The following GEMIN5 variants were observed in gnomAD, a reference collection of about 807,000 sequenced individuals.
GEMIN5 encodes the protein gem nuclear organelle associated protein 5.
Under a neutral mutation model 176.9 loss-of-function variants are expected in GEMIN5, and 124 were observed. The observed-to-expected ratio is 0.70, with a 90% CI of 0.61 to 0.81. The LOEUF (loss-of-function observed/expected upper bound fraction) is 0.81. Ranked by LOEUF, GEMIN5 falls within the 40% of genes least tolerant of loss-of-function variation. GEMIN5 has a pLI of 0.00. For missense variants in GEMIN5, 1,843 were observed against 1,814.6 expected (o/e 1.02, Z -0.28); for synonymous variants, 673 against 665.2 (o/e 1.01, Z -0.18).
intron 27 of GEMIN5, 63 bp from the exon 28 acceptor site, chr5:154,888,440 A>G (rs1582644895): frequency 7.1e-7 from 1 of 1,399,720 alleles, no homozygotes; most frequent in East Asian, 2.3e-5. Flanking sequence ...AAACACCTGC[A>G]CAGAAGGCAC....
At position 154,938,108 on chromosome 5, in the gene GEMIN5, G is replaced by A. The variant is rs1324369950; in HGVS notation, c.26C>T (p.Pro9Leu). 11 of 1,414,292 alleles carry A rather than the reference G, an allele frequency of 7.8e-6. No individual in the cohort carries two copies. The highest frequency in any genetic ancestry group is 1.0e-5 in the Non-Finnish European group (11 of 1,081,278). 87.6% of individuals were successfully genotyped at this position (1,414,292 alleles called of 1,614,324 possible). The change falls in exon 1 of 28, where the codon CCG (proline) becomes CTG (leucine). Residue 9 changes from proline (P) to leucine (L), a missense_variant. Coordinates refer to ENST00000285873, the MANE Select transcript of GEMIN5 (RefSeq NM_015465.5). The part of the protein sequence containing the change: MGQEPRTL[P>L]PSPNWYCARC... ...GGCGCAGTACCAGTTGGGGGAGGGC[G>A]GCAGCGTCCGCGGCTCCTGCCCCAT...
intron 3 of GEMIN5, among the ~76,000 whole-genome samples, chr5:154,934,523 G>A (rs1179085682): frequency 1.3e-5 from 2 of 152,100 alleles, no homozygotes; most frequent in Non-Finnish European, 2.9e-5. Flanking sequence ...TGTTGGCCGG[G>A]CTGGTCTTGA....
chr5:154,895,968 C>A, intron 24 of GEMIN5, 124 bp downstream of exon 24: 2 of 1,096,976 alleles, frequency 1.8e-6, no homozygotes, highest in Non-Finnish European at 2.7e-6. Context: ...GGTGGCGTGG[C>A]CATGCCTTAG....
intron 16 of GEMIN5, 131 bp downstream of exon 16, chr5:154,907,459 CA>C: frequency 2.4e-5 from 8 of 331,490 alleles, no homozygotes; most frequent in South Asian, 9.6e-5. Context: ...TAAAGCTTAA[CA>C]AAAAAAACTA....
At position 154,891,737 on chromosome 5, in the gene GEMIN5, C is replaced by A; in HGVS notation, c.3766G>T (p.Asp1256Tyr). 1 of 1,581,836 alleles carries A rather than the reference C, an allele frequency of 6.3e-7. No homozygotes were observed. The highest frequency in any genetic ancestry group is 8.5e-7 in the Non-Finnish European group (1 of 1,170,294). Residue 1256 changes from aspartate (D) to tyrosine (Y), a missense_variant, in exon 26 of 28, where the codon GAC becomes TAC. Physicochemically the swap from Asp to Tyr is radical, Grantham distance 160. Coordinates refer to ENST00000285873, the MANE Select transcript of GEMIN5 (RefSeq NM_015465.5). The stretch of plus-strand genomic sequence containing the variant: ...TCCCCCAACTTGTCTCTTAGGTGGT[C>A]ACAGCCTAGGAAAAGAGGAAAAAGA... ...VYSAFLPDGC[D>Y]HLRDKLGDHQ...
chr5:154,926,427 T>C (rs987658006), intron 7 of GEMIN5, among the ~76,000 whole-genome samples: 1 of 152,090 alleles, frequency 6.6e-6, no homozygotes, highest in Non-Finnish European at 1.5e-5. Flanking sequence ...CTCAGCACAG[T>C]GGAAAAATCA....
At chr5:154,905,698 T>G (rs972120397) in intron 16 of GEMIN5, among the ~76,000 whole-genome samples, 3 of 149,386 alleles carry the variant, frequency 2.0e-5, no homozygotes, top group Non-Finnish European at 3.0e-5. Flanking sequence ...TCTATTACTT[T>G]GGTTTTTTTT....
chr5:154,932,736 T>TA (rs1229134143), intron 3 of GEMIN5, among the ~76,000 whole-genome samples: 1 of 152,154 alleles, frequency 6.6e-6, no homozygotes, highest in Non-Finnish European at 1.5e-5. Flanking sequence ...CTAATTTTTG[T>TA]ATTTTTTTGT....
At chr5:154,909,978 C>G (rs1299717518) in intron 15 of GEMIN5, among the ~76,000 whole-genome samples, 2 of 105,334 alleles carry the variant, frequency 1.9e-5, no homozygotes, top group East Asian at 2.0e-4. Flanking sequence ...GACTCCGTTT[C>G]AAGAAAAAAA....
At chr5:154,934,563 C>G (rs936677675) in intron 3 of GEMIN5, among the ~76,000 whole-genome samples, 1 of 152,088 alleles carries the variant, frequency 6.6e-6, no homozygotes, top group Non-Finnish European at 1.5e-5. Flanking sequence ...CCACCCGCCT[C>G]GGCCTCCCAA....
At chr5:154,923,482 C>T (rs767674732) in intron 9 of GEMIN5, among the ~76,000 whole-genome samples, 9 of 152,182 alleles carry the variant, frequency 5.9e-5, no homozygotes, top group African/African-American at 2.2e-4. Context: ...ATATTTCAGG[C>T]TTTGTGAGCC....
intron 22 of GEMIN5, among the ~76,000 whole-genome samples, 157 bp from the exon 23 acceptor site, chr5:154,898,807 C>A (rs1763409187): frequency 1.3e-5 from 2 of 152,020 alleles, no homozygotes; most frequent in South Asian, 4.2e-4. Flanking sequence ...AAGGCTGAGG[C>A]CAACACAACT....
At chr5:154,914,734 C>G (rs1403218226) in intron 13 of GEMIN5, among the ~76,000 whole-genome samples, 1 of 152,062 alleles carries the variant, frequency 6.6e-6, no homozygotes, top group Admixed American at 6.6e-5. Flanking sequence ...CATGAGCCAC[C>G]ACACGTAGCC....
intron 23 of GEMIN5, among the ~76,000 whole-genome samples, chr5:154,897,279 C>G (rs1015606905): frequency 1.3e-5 from 2 of 152,154 alleles, no homozygotes; most frequent in Non-Finnish European, 2.9e-5. Context: ...GCCCTGTACT[C>G]TGTTAGAGAA....
At chr5:154,893,754 G>GT (rs1000368141) in intron 24 of GEMIN5, among the ~76,000 whole-genome samples, 3 of 151,310 alleles carry the variant, frequency 2.0e-5, no homozygotes, top group Admixed American at 2.0e-4. Context: ...CTTCTTCTTT[G>GT]TTTTTTTGAG....
chr5:154,890,601 C>T (rs1763204018), intron 26 of GEMIN5, among the ~76,000 whole-genome samples: 1 of 151,686 alleles, frequency 6.6e-6, no homozygotes, highest in South Asian at 2.1e-4. Flanking sequence ...GTAGCTGGGA[C>T]TACAAGTGCA....
At chr5:154,909,311 C>T (rs1340709653) in intron 15 of GEMIN5, among the ~76,000 whole-genome samples, 2 of 151,708 alleles carry the variant, frequency 1.3e-5, no homozygotes, top group East Asian at 3.9e-4. Context: ...CTACATTCTA[C>T]CACAAGGAAG....
At chr5:154,937,516 C>T (rs921443608) in intron 1 of GEMIN5, among the ~76,000 whole-genome samples, 2 of 152,216 alleles carry the variant, frequency 1.3e-5, no homozygotes, top group Admixed American at 6.5e-5. Flanking sequence ...CCTGGCATGT[C>T]ATATCCTAAG....
Position 154,935,971 on chromosome 5 carries a change from A to T in GEMIN5, c.379T>A (p.Ser127Thr). ...WSPRVKDLIV[S>T]GDEKGVVFCY... ...AAAACTACTCCTTTTTCATCCCCAG[A>T]TACTATTAAGTCCTTTACTCGAGGA... The change falls in exon 3 of 28, where the codon TCT becomes ACT. Residue 127 changes from serine to threonine, a missense_variant. Transcript: ENST00000285873. 1 of 1,612,230 alleles carries T rather than the reference A, an allele frequency of 6.2e-7. No homozygotes were observed. Among genetic ancestry groups the T allele is most frequent in the Non-Finnish European group, 8.5e-7 (1 of 1,178,412 alleles).
Sources: allele counts gnomAD v4.1 joint callset (sites outside exome capture counted in the v4.1 genomes callset), GRCh38; gene constraint gnomAD v4.1.1; transcripts MANE v1.5; gene names NCBI Gene and HGNC (gene_info 2026-07-23, HGNC 2026-07-21).